RGS7: variants seen among roughly 807,000 people sequenced by gnomAD.
The protein encoded by RGS7 is regulator of G protein signaling 7.
A neutral mutation model predicts 81.1 loss-of-function variants in RGS7; 27 were observed. That is an observed-to-expected ratio of 0.33 (90% CI 0.25 to 0.46). The LOEUF is 0.46. RGS7 is among the 20% of genes least tolerant of loss of function. RGS7 has a pLI of 1.00. For synonymous variants in RGS7, 208 were observed against 207.7 expected (o/e 1.00, Z -0.01); for missense variants, 396 against 607.4 (o/e 0.65, Z 3.66).
At chr1:240,926,306 T>C (rs1481814665) in intron 6 of RGS7, among the ~76,000 whole-genome samples, 1 of 152,184 alleles carries the variant, frequency 6.6e-6, no homozygotes. Flanking sequence ...CGATCTTGAG[T>C]TAGTTTTTGT....
chr1:241,322,903 T>C (rs1001388386), intron 2 of RGS7, among the ~76,000 whole-genome samples: 1 of 152,206 alleles, frequency 6.6e-6, no homozygotes, highest in African/African-American at 2.4e-5. Context: ...AATAGGATCA[T>C]GAATATTGCT....
intron 7 of RGS7, 100 bp downstream of exon 7, chr1:240,869,955 G>T: frequency 9.9e-7 from 1 of 1,012,448 alleles, no homozygotes; most frequent in Non-Finnish European, 1.6e-6. Flanking sequence ...AAAAGAAAAA[G>T]ATCCATGAAT....
chr1:241,318,544 C>T (rs1200029220), intron 2 of RGS7, among the ~76,000 whole-genome samples: 1 of 152,022 alleles, frequency 6.6e-6, no homozygotes, highest in Non-Finnish European at 1.5e-5. Flanking sequence ...ACAACCTCTG[C>T]CTCCTGGGTT....
At chr1:240,939,312 G>T (rs1017712890) in intron 4 of RGS7, among the ~76,000 whole-genome samples, 1 of 152,072 alleles carries the variant, frequency 6.6e-6, no homozygotes, top group Non-Finnish European at 1.5e-5. Context: ...ATTCTGATTT[G>T]ATCATTGCAC....
At chr1:241,309,358 C>A (rs1225431958) in intron 2 of RGS7, among the ~76,000 whole-genome samples, 4 of 129,082 alleles carry the variant, frequency 3.1e-5, no homozygotes, top group African/African-American at 1.2e-4. Flanking sequence ...TGCACTCCAG[C>A]CTGGGCAACA....
chr1:240,842,971 T>A (rs1658363684), intron 9 of RGS7, among the ~76,000 whole-genome samples: 1 of 151,994 alleles, frequency 6.6e-6, no homozygotes, highest in South Asian at 2.1e-4. Flanking sequence ...TAGACCAGCC[T>A]GGCCAATATG....
At position 240,790,011 on chromosome 1, in the gene RGS7, T is replaced by G. The variant is rs554155763; in HGVS notation, c.*6+10630A>C. Among the ~76,000 whole-genome samples the G allele has an allele frequency of 2.0e-5, 3 of 152,292 alleles. No homozygotes were observed. In the East Asian group the frequency reaches 5.8e-4, roughly 29 times the overall value. On this transcript the variant is annotated intron_variant, in intron 18 of 18. Transcript: ENST00000440928. ...GCTTTAAAATTTCTCTCTTTTGTAC[T>G]CTGTCCCTTTATTTCTCAGACCAGC...
chr1:240,936,980 C>G (rs1489778643), intron 4 of RGS7, among the ~76,000 whole-genome samples: 1 of 152,122 alleles, frequency 6.6e-6, no homozygotes, highest in Non-Finnish European at 1.5e-5. Flanking sequence ...TCCTGGCTAC[C>G]CATTCTGTAA....
intron 12 of RGS7, 118 bp downstream of exon 12, chr1:240,814,598 C>T: frequency 1.4e-6 from 1 of 710,400 alleles, no homozygotes; most frequent in Admixed American, 2.1e-5. Flanking sequence ...AATCACATTA[C>T]TTACAGGATT....
chr1:241,172,138 G>C (rs2070778853), intron 2 of RGS7, among the ~76,000 whole-genome samples: 1 of 152,192 alleles, frequency 6.6e-6, no homozygotes, highest in African/African-American at 2.4e-5. Flanking sequence ...GCCTTTCCAT[G>C]ATTCCCATTG....
intron 9 of RGS7, among the ~76,000 whole-genome samples, chr1:240,861,945 G>A (rs1173557431): frequency 2.6e-5 from 4 of 152,130 alleles, no homozygotes; most frequent in Middle Eastern, 3.4e-3. Flanking sequence ...AGCTACTAAC[G>A]CATTATTCTT....
chr1:240,776,291 AT>A, intron 18 of RGS7, 78 bp from the exon 19 acceptor site: 1 of 1,051,764 alleles, frequency 9.5e-7, no homozygotes, highest in Non-Finnish European at 1.5e-6. Flanking sequence ...AGTAGCAACT[AT>A]TTACTGTAGC....
At chr1:241,129,649 G>C (rs969011363) in intron 2 of RGS7, among the ~76,000 whole-genome samples, 3 of 152,292 alleles carry the variant, frequency 2.0e-5, no homozygotes, top group African/African-American at 7.2e-5. Flanking sequence ...ACCCCCTAAA[G>C]AGCAGCAGTT....
intron 2 of RGS7, among the ~76,000 whole-genome samples, chr1:241,168,208 G>A (rs1212488183): frequency 6.6e-6 from 1 of 152,096 alleles, no homozygotes; most frequent in Non-Finnish European, 1.5e-5. Context: ...GGGGGTATAG[G>A]CCATGTGGAA....
chr1:241,054,167 C>T (rs2061376906), intron 3 of RGS7, among the ~76,000 whole-genome samples: 1 of 152,098 alleles, frequency 6.6e-6, no homozygotes, highest in Admixed American at 6.6e-5. Flanking sequence ...AAGGAAAGAA[C>T]ATATAACACT....
chr1:240,980,669 A>G (rs2148548446), intron 4 of RGS7, among the ~76,000 whole-genome samples: 1 of 152,346 alleles, frequency 6.6e-6, no homozygotes, highest in African/African-American at 2.4e-5. Flanking sequence ...AATTGGGATC[A>G]GAATAGCCAC....
chr1:241,288,384 A>T (rs573384420), intron 2 of RGS7, among the ~76,000 whole-genome samples: 3 of 152,160 alleles, frequency 2.0e-5, no homozygotes, highest in Non-Finnish European at 4.4e-5. Flanking sequence ...TATCTAGTTC[A>T]GGCTCCTTCA....
At chr1:241,270,819 C>G (rs1201931360) in intron 2 of RGS7, among the ~76,000 whole-genome samples, 1 of 148,820 alleles carries the variant, frequency 6.7e-6, no homozygotes, top group Non-Finnish European at 1.5e-5. Flanking sequence ...GTCCAGTTGG[C>G]GCCATCTTGG....
intron 6 of RGS7, among the ~76,000 whole-genome samples, chr1:240,877,039 G>A (rs1295049022): frequency 1.3e-5 from 2 of 151,934 alleles, no homozygotes; most frequent in Non-Finnish European, 2.9e-5. Context: ...GGGAATAACA[G>A]GAAAGCTAGA....
Sources: gnomAD v4.1 joint callset for allele counts (sites outside exome capture counted in the v4.1 genomes callset) on GRCh38, gnomAD v4.1.1 for gene constraint, MANE v1.5 for transcripts, NCBI Gene and HGNC (gene_info 2026-07-23, HGNC 2026-07-21) for gene names.